Variants in LUZP2 observed in about 807,000 individuals in gnomAD.
LUZP2 encodes leucine zipper protein 2.
In LUZP2, 52 loss-of-function variants were observed where a neutral mutation model predicts 51.6. The ratio of observed to expected loss-of-function variants is 1.01; its 90% CI spans 0.81 to 1.27. LUZP2 has a LOEUF of 1.27. Ranked by LOEUF, LUZP2 falls within the 50% of genes most tolerant of loss-of-function variation. The pLI, the probability that LUZP2 is intolerant of heterozygous loss-of-function variation, is 0.00. For synonymous variants in LUZP2, 154 were observed against 137.3 expected (o/e 1.12, Z -0.85); for missense variants, 436 against 395.4 (o/e 1.10, Z -0.87).
chr11:24,968,975 A>G (rs768012818), intron 7 of LUZP2, among the ~76,000 whole-genome samples: 7 of 152,206 alleles, frequency 4.6e-5, no homozygotes, highest in Non-Finnish European at 1.0e-4. Flanking sequence ...CATCTCTGAC[A>G]TGTCTAGAAG....
intron 1 of LUZP2, among the ~76,000 whole-genome samples, chr11:24,629,565 T>TATATAC (rs1198410749): frequency 1.4e-5 from 2 of 147,674 alleles, no homozygotes; most frequent in Admixed American, 1.4e-4. Context: ...TATATATATA[T>TATATAC]ATACCATATT....
At chr11:24,924,365 A>C (rs562129256) in intron 7 of LUZP2, among the ~76,000 whole-genome samples, 2 of 151,836 alleles carry the variant, frequency 1.3e-5, no homozygotes, top group South Asian at 4.2e-4. Flanking sequence ...GGCGTGAGCC[A>C]CCGCACCCAG....
At chr11:24,632,691 C>G (rs2133929570) in intron 1 of LUZP2, among the ~76,000 whole-genome samples, 1 of 152,104 alleles carries the variant, frequency 6.6e-6, no homozygotes, top group Middle Eastern at 3.4e-3. Flanking sequence ...TCCTCCCTAG[C>G]CTATGTGAAA....
intron 3 of LUZP2, 41 bp from the exon 4 acceptor site, chr11:24,738,180 A>T (rs749956326): frequency 7.8e-7 from 1 of 1,289,310 alleles, no homozygotes; most frequent in South Asian, 1.2e-5. Flanking sequence ...TAATGGAATT[A>T]TATTATTTTC....
intron 1 of LUZP2, among the ~76,000 whole-genome samples, chr11:24,585,395 T>G (rs1285451109): frequency 6.6e-6 from 1 of 152,198 alleles, no homozygotes; most frequent in African/African-American, 2.4e-5. Context: ...CAGTAGCCAG[T>G]GTCAAGTCTG....
intron 1 of LUZP2, among the ~76,000 whole-genome samples, chr11:24,539,050 A>G (rs4923192): frequency 0.57 from 86,579 of 151,604 alleles, 25,498 homozygotes; most frequent in East Asian, 0.83. Context: ...AATGGCACTT[A>G]CCTCAGTATA....
chr11:25,019,125 C>T (rs987813331), intron 9 of LUZP2, among the ~76,000 whole-genome samples: 7 of 152,092 alleles, frequency 4.6e-5, no homozygotes, highest in African/African-American at 1.7e-4. Flanking sequence ...TTTACATTAG[C>T]GTTTGCTCTT....
chr11:24,803,963 A>G (rs1394366096), intron 5 of LUZP2, among the ~76,000 whole-genome samples: 2 of 150,992 alleles, frequency 1.3e-5, no homozygotes, highest in Non-Finnish European at 3.0e-5. Context: ...AAGCAGTGAG[A>G]CATTGAAGTA....
intron 9 of LUZP2, among the ~76,000 whole-genome samples, chr11:24,994,159 C>CTTT (rs58939086): frequency 0.022 from 2,853 of 127,586 alleles, 124 homozygotes; most frequent in East Asian, 0.093. Context: ...GCACCTGGCC[C>CTTT]TTTTTTTTTT....
At chr11:24,654,581 C>A (rs1033747130) in intron 1 of LUZP2, among the ~76,000 whole-genome samples, 1 of 152,080 alleles carries the variant, frequency 6.6e-6, no homozygotes, top group Non-Finnish European at 1.5e-5. Context: ...CTGCTCACTG[C>A]AACCTCCGCC....
intron 1 of LUZP2, among the ~76,000 whole-genome samples, chr11:24,507,928 G>A (rs939941926): frequency 6.6e-6 from 1 of 151,556 alleles, no homozygotes; most frequent in Non-Finnish European, 1.5e-5. Flanking sequence ...CCTAAACTCT[G>A]TATCATTAGT....
intron 1 of LUZP2, among the ~76,000 whole-genome samples, chr11:24,587,443 T>TAA (rs1853107949): frequency 6.6e-6 from 1 of 152,116 alleles, no homozygotes; most frequent in Admixed American, 6.6e-5. Context: ...TGAGCGAGCA[T>TAA]AAGCACAATG....
At chr11:24,609,005 G>A (rs751846147) in intron 1 of LUZP2, among the ~76,000 whole-genome samples, 1 of 152,048 alleles carries the variant, frequency 6.6e-6, no homozygotes, top group Non-Finnish European at 1.5e-5. Context: ...ATACAAAGTG[G>A]AGATGACTTC....
chr11:24,789,348 C>T (rs944156033), intron 5 of LUZP2, among the ~76,000 whole-genome samples: 14 of 152,282 alleles, frequency 9.2e-5, no homozygotes, highest in Non-Finnish European at 1.6e-4. Context: ...CTTTGTATAA[C>T]TTTCTTCTCT....
chr11:24,976,149 C>G (rs1855875868), intron 7 of LUZP2, among the ~76,000 whole-genome samples: 1 of 151,904 alleles, frequency 6.6e-6, no homozygotes, highest in Admixed American at 6.6e-5. Context: ...GGGCCTCACT[C>G]TTGTGACTTC....
intron 7 of LUZP2, among the ~76,000 whole-genome samples, chr11:24,926,756 G>A (rs1287124946): frequency 6.6e-6 from 1 of 151,046 alleles, no homozygotes; most frequent in Non-Finnish European, 1.5e-5. Flanking sequence ...TAGATGCCCA[G>A]GGGTGGGATT....
intron 3 of LUZP2, among the ~76,000 whole-genome samples, chr11:24,734,982 T>C (rs1398250483): frequency 2.0e-5 from 3 of 151,856 alleles, no homozygotes; most frequent in Non-Finnish European, 4.4e-5. Flanking sequence ...CCACTGGTCA[T>C]AGCTGATGAT....
intron 1 of LUZP2, among the ~76,000 whole-genome samples, chr11:24,700,626 A>C (rs1857395774): frequency 6.6e-6 from 1 of 152,128 alleles, no homozygotes; most frequent in Non-Finnish European, 1.5e-5. Context: ...ATTGGTGCTA[A>C]ATATATTGAT....
At chr11:24,883,466 C>T (rs1347063160) in intron 5 of LUZP2, among the ~76,000 whole-genome samples, 4 of 151,970 alleles carry the variant, frequency 2.6e-5, no homozygotes, top group African/African-American at 9.7e-5. Context: ...TCTAATGATG[C>T]TGGGATAAAA....
Sources: gnomAD v4.1 joint callset for allele counts (sites outside exome capture counted in the v4.1 genomes callset) on GRCh38, gnomAD v4.1.1 for gene constraint, MANE v1.5 for transcripts, NCBI Gene and HGNC (gene_info 2026-07-23, HGNC 2026-07-21) for gene names.